The following STX11 variants were observed in gnomAD, a reference collection of about 807,000 sequenced individuals.
STX11 encodes syntaxin 11, also known as syntaxin-11.
A neutral mutation model predicts 19.9 loss-of-function variants in STX11; 21 were observed. The observed-to-expected ratio is 1.06, with a 90% confidence interval of 0.75 to 1.52. STX11 has a LOEUF of 1.52. STX11 is among the 40% of genes most tolerant of loss of function. The pLI, the probability that STX11 is intolerant of heterozygous loss-of-function variation, is 0.00. For synonymous variants in STX11, 193 were observed against 174.4 expected (o/e 1.11, Z -0.84); for missense variants, 438 against 405.9 (o/e 1.08, Z -0.68).
At position 144,184,900 on chromosome 6, in the gene STX11, A is replaced by G. The variant is rs1350961883; in HGVS notation, c.-5-1723A>G. On this transcript the variant is annotated intron_variant, in intron 1 of 1. Transcript: ENST00000367568. The surrounding 1 kb of genome is among the most constrained non-coding windows in gnomAD (Gnocchi z 6.5). ...CTTAACCTCTTGTCTGTCATATATT[A>G]TAATTTCTCCCCAGTTGGTGGTTTG... is the stretch of plus-strand genomic sequence containing the variant. Among the ~76,000 whole-genome samples the G allele has an allele frequency of 6.6e-6, 1 of 152,202 alleles. No homozygotes were observed. Among genetic ancestry groups the G allele is most frequent in the Admixed American group, 6.5e-5 (1 of 15,278 alleles).
At position 144,170,297 on chromosome 6, in the gene STX11, T is replaced by C. The variant is rs1398768939; in HGVS notation, c.-5-16326T>C. 6.6e-6 allele frequency among the ~76,000 whole-genome samples: 1 copy of C among 152,174 alleles called. No homozygotes were observed. Among genetic ancestry groups the C allele is most frequent in the Non-Finnish European group, 1.5e-5 (1 of 68,016 alleles). On this transcript the variant is annotated intron_variant, in intron 1 of 1. Coordinates refer to ENST00000367568, the MANE Select transcript of STX11 (RefSeq NM_003764.4). The surrounding 1 kb of genome is among the most constrained non-coding windows in gnomAD (Gnocchi z 4.7). ...GTGGAGCATGGTGGAGAATCTGCTA[T>C]TGGTGCATCCAGCCTGCTGCACACA...
the STX11 span, chr6:144,140,709 G>A: frequency 3.7e-5 from 36 of 979,562 alleles, no homozygotes; most frequent in East Asian, 8.0e-4. Flanking sequence ...CATCTGAAGA[G>A]TGCCAAAGGG....
intron 1 of STX11, among the ~76,000 whole-genome samples, chr6:144,168,723 A>G (rs1462293499): frequency 6.6e-6 from 1 of 152,212 alleles, no homozygotes; most frequent in Non-Finnish European, 1.5e-5. Flanking sequence ...CATTGGCAAC[A>G]GCATATATGG....
intron 1 of STX11, among the ~76,000 whole-genome samples, chr6:144,168,221 G>C (rs1801532261): frequency 6.6e-6 from 1 of 152,206 alleles, no homozygotes; most frequent in South Asian, 2.1e-4. Flanking sequence ...CTGCTGGATG[G>C]CCTTTTCAAA....
upstream of STX11, among the ~76,000 whole-genome samples, chr6:144,149,435 C>T (rs1217965464): frequency 6.6e-6 from 1 of 152,180 alleles, no homozygotes; most frequent in Non-Finnish European, 1.5e-5. This position sits in a 1 kb window ranked among gnomAD's most constrained non-coding sequence, Gnocchi z 5.1. Flanking sequence ...TGTGTCTAAA[C>T]ATTCTGCCAT....
rs1324342899 is a variant in STX11, at chr6:144,181,955, T to G, written c.-5-4668T>G. 2.0e-5 allele frequency among the ~76,000 whole-genome samples: 3 copies of G among 152,198 alleles called. No homozygotes were observed. In the East Asian group the frequency reaches 5.8e-4, roughly 29 times the overall value. On this transcript the variant is annotated intron_variant, in intron 1 of 1. Coordinates refer to ENST00000367568, the MANE Select transcript of STX11 (RefSeq NM_003764.4). The stretch of plus-strand genomic sequence containing the variant: ...GAAAGCAGAAGCAGATTTTTGGTAG[T>G]TGGTTGTCAATTTTCTTTTGAATTC...
rs780587217 is a variant in STX11 at position 144,187,114 on chromosome 6, C to G, written c.487C>G (p.Arg163Gly). 2 of 1,613,930 alleles carry G rather than the reference C, an allele frequency of 1.2e-6. No individual in the cohort carries two copies. Among genetic ancestry groups the G allele is most frequent in the Non-Finnish European group, 1.7e-6 (2 of 1,180,014 alleles). Residue 163 changes from arginine to glycine, a missense_variant, in exon 2 of 2, where the codon CGC becomes GGC. By Grantham distance (125) the Arg-to-Gly change is moderately radical (BLOSUM62 -2). Coordinates refer to ENST00000367568, the MANE Select transcript of STX11 (RefSeq NM_003764.4). This position sits in a 1 kb window ranked among gnomAD's most constrained non-coding sequence, Gnocchi z 5.6. ...CGACAACTGCAAGATCCGCATCCAG[C>G]GCCAGCTGGAGATCATGGGCAAGGA... is the stretch of plus-strand genomic sequence containing the variant. The part of the protein sequence containing the change: ...QRDNCKIRIQ[R>G]QLEIMGKEVS...
At chr6:144,157,232 G>GAGGAGCTTGGAA (rs1801195362) in intron 1 of STX11, among the ~76,000 whole-genome samples, 1 of 152,166 alleles carries the variant, frequency 6.6e-6, no homozygotes, top group Admixed American at 6.5e-5. Context: ...GCACAACAGC[G>GAGGAGCTTGGAA]GCCTCAACAG....
At position 144,153,858 on chromosome 6, in the gene STX11, G is replaced by C. The variant is rs1480692131; in HGVS notation, c.-6+3155G>C. On this transcript the variant is annotated intron_variant, in intron 1 of 1. Coordinates refer to ENST00000367568, the MANE Select transcript of STX11 (RefSeq NM_003764.4). This position sits in a 1 kb window ranked among gnomAD's most constrained non-coding sequence, Gnocchi z 5.0. The stretch of plus-strand genomic sequence containing the variant: ...TGTTTCTAATGAATGACTAGGATAA[G>C]AATATCCTACTCGGTGGAAGAATAG... 6.6e-6 allele frequency among the ~76,000 whole-genome samples: 1 copy of C among 152,216 alleles called. No individual in the cohort carries two copies. Among genetic ancestry groups the C allele is most frequent in the Non-Finnish European group, 1.5e-5 (1 of 68,040 alleles).
rs1404025368 is a variant in STX11 at position 144,153,939 on chromosome 6, T to C, written c.-6+3236T>C. Among the ~76,000 whole-genome samples the C allele has an allele frequency of 6.6e-6, 1 of 152,216 alleles. No homozygotes were observed. Among genetic ancestry groups the C allele is most frequent in the Non-Finnish European group, 1.5e-5 (1 of 68,028 alleles). ...ACAGTACTTGGCACATAATCAGTGC[T>C]CATTAAGATTTTTCAAATGAATGCT... On this transcript the variant is annotated intron_variant, in intron 1 of 1. Coordinates refer to ENST00000367568, the MANE Select transcript of STX11 (RefSeq NM_003764.4). This position sits in a 1 kb window ranked among gnomAD's most constrained non-coding sequence, Gnocchi z 5.0.
intron 1 of STX11, 24 bp downstream of exon 1, chr6:144,150,727 C>G: frequency 1.0e-6 from 1 of 984,612 alleles, no homozygotes; most frequent in Non-Finnish European, 1.2e-6. Context: ...TTCCTGAGCC[C>G]CCATTTCTCT....
At chr6:144,168,435 A>G (rs956879877) in intron 1 of STX11, among the ~76,000 whole-genome samples, 5 of 152,346 alleles carry the variant, frequency 3.3e-5, no homozygotes, top group South Asian at 4.1e-4. Flanking sequence ...TATTATCACA[A>G]TCATTTTCAT....
chr6:144,166,043 C>A (rs939419095), intron 1 of STX11, among the ~76,000 whole-genome samples: 1 of 152,218 alleles, frequency 6.6e-6, no homozygotes, highest in Non-Finnish European at 1.5e-5. Context: ...GTAGGAGTAT[C>A]TACCCTTTGC....
Position 144,175,485 on chromosome 6 carries a change from T to G in STX11, c.-5-11138T>G, listed in dbSNP as rs1801755448. On this transcript the variant is annotated intron_variant, in intron 1 of 1. Coordinates refer to ENST00000367568, the MANE Select transcript of STX11 (RefSeq NM_003764.4). This position sits in a 1 kb window ranked among gnomAD's most constrained non-coding sequence, Gnocchi z 5.1. ...CCACGCCCAGCTGATTTTTGTATTT[T>G]CAGTAGAGATGGGGTTTCACCATGT... Among the ~76,000 whole-genome samples the G allele has an allele frequency of 6.6e-6, 1 of 152,182 alleles. No individual in the cohort carries two copies. The highest frequency in any genetic ancestry group is 1.5e-5 in the Non-Finnish European group (1 of 68,030).
chr6:144,190,594 T>C lies in STX11; in HGVS notation c.*3103T>C, dbSNP rs1802189843. Among the ~76,000 whole-genome samples, 1 of 152,166 alleles carries C rather than the reference T, an allele frequency of 6.6e-6. No individual in the cohort carries two copies. The highest frequency in any genetic ancestry group is 1.5e-5 in the Non-Finnish European group (1 of 68,020). ...TGTGAATATTAGGGCTTTTTTTTTTTTGACAGTCATAAAGATGTTTTCACT... is the reference window on the plus strand; with the variant it reads ...TGTGAATATTAGGGCTTTTTTTTTTCTGACAGTCATAAAGATGTTTTCACT... On this transcript the variant is annotated 3_prime_UTR_variant, in exon 2 of 2. Transcript: ENST00000367568.
chr6:144,190,344 A>G lies in STX11; in HGVS notation c.*2853A>G, dbSNP rs1802183936. 6.6e-6 allele frequency among the ~76,000 whole-genome samples: 1 copy of G among 152,244 alleles called. No homozygotes were observed. Among genetic ancestry groups the G allele is most frequent in the Admixed American group, 6.5e-5 (1 of 15,290 alleles). On this transcript the variant is annotated 3_prime_UTR_variant, in exon 2 of 2. Transcript: ENST00000367568. The stretch of plus-strand genomic sequence containing the variant: ...TACTTACCTCATAGAGCTGTTGTGA[A>G]AAGTGATGACTGAATATGTAAAAGC...
intron 1 of STX11, among the ~76,000 whole-genome samples, chr6:144,157,484 G>T (rs111295330): frequency 6.8e-4 from 103 of 152,164 alleles, no homozygotes; most frequent in Non-Finnish European, 1.3e-3. Flanking sequence ...AGCCAAGAGA[G>T]CATTCTCCTC....
At position 144,153,471 on chromosome 6, in the gene STX11, C is replaced by A. The variant is rs928541933; in HGVS notation, c.-6+2768C>A. On this transcript the variant is annotated intron_variant, in intron 1 of 1. Transcript: ENST00000367568. The surrounding 1 kb of genome is among the most constrained non-coding windows in gnomAD (Gnocchi z 5.0). The stretch of plus-strand genomic sequence containing the variant: ...GCACTGGACGTTCAGGAAACTCCAG[C>A]CTGTTTAGTGACGGCACAGAGGGAG... Among the ~76,000 whole-genome samples the A allele has an allele frequency of 9.9e-5, 15 of 152,118 alleles. 1 individual carries two copies. Among genetic ancestry groups the A allele is most frequent in the Non-Finnish European group, 2.9e-5 (2 of 68,026 alleles).
At position 144,155,268 on chromosome 6, in the gene STX11, T is replaced by C. The variant is rs1373118633; in HGVS notation, c.-6+4565T>C. On this transcript the variant is annotated intron_variant, in intron 1 of 1. Transcript: ENST00000367568. This position sits in a 1 kb window ranked among gnomAD's most constrained non-coding sequence, Gnocchi z 4.5. Reference sequence around the variant, plus strand: ...CAAACTGAATCAGCAAACTCACTTATTGAAGCTTTAAAATGTTCAAATGTC... The same window carrying C: ...CAAACTGAATCAGCAAACTCACTTACTGAAGCTTTAAAATGTTCAAATGTC... Among the ~76,000 whole-genome samples, 3 of 152,178 alleles carry C rather than the reference T, an allele frequency of 2.0e-5. No homozygotes were observed. Among genetic ancestry groups the C allele is most frequent in the Non-Finnish European group, 2.9e-5 (2 of 68,036 alleles).
Sources: allele counts gnomAD v4.1 joint callset (sites outside exome capture counted in the v4.1 genomes callset), GRCh38; gene constraint gnomAD v4.1.1; non-coding constraint Gnocchi (gnomAD v3.1); transcripts MANE v1.5; gene names NCBI Gene and HGNC (gene_info 2026-07-23, HGNC 2026-07-21).